The following MTMR7 variants were observed in gnomAD, a reference collection of about 807,000 sequenced individuals.
The protein encoded by MTMR7 is phosphatidylinositol-3-phosphate phosphatase MTMR7.
In MTMR7, 76 loss-of-function variants were observed where a neutral mutation model predicts 81.2. That is an observed-to-expected ratio of 0.94 (90% CI 0.78 to 1.13). The LOEUF (loss-of-function observed/expected upper bound fraction) is 1.13, where lower values mean the gene tolerates loss of function less well. Ranked by LOEUF, MTMR7 falls within the 50% of genes most tolerant of loss-of-function variation. The pLI, the probability that MTMR7 is intolerant of heterozygous loss-of-function variation, is 0.00. For synonymous variants in MTMR7, 372 were observed against 289.8 expected, an observed-to-expected ratio of 1.28 and a Z score of -2.88; for missense variants, 1,044 against 820.0, an observed-to-expected ratio of 1.27 and a Z score of -3.34.
At chr8:17,374,398 G>A (rs1276224527) in intron 1 of MTMR7, among the ~76,000 whole-genome samples, 1 of 151,670 alleles carries the variant, frequency 6.6e-6, no homozygotes, top group Non-Finnish European at 1.5e-5. Context: ...CGAGGCAGGT[G>A]GATCACGAGG....
chr8:17,399,377 T>C (rs2150582616), intron 1 of MTMR7, among the ~76,000 whole-genome samples: 1 of 152,226 alleles, frequency 6.6e-6, no homozygotes, highest in South Asian at 2.1e-4. Context: ...GCAATCCTAT[T>C]TATAATAGCT....
intron 7 of MTMR7, among the ~76,000 whole-genome samples, chr8:17,330,314 C>G (rs1169310726): frequency 6.6e-6 from 1 of 152,224 alleles, no homozygotes; most frequent in East Asian, 1.9e-4. Flanking sequence ...GGGCTCCCAG[C>G]TCCAGCTCTC....
intron 4 of MTMR7, among the ~76,000 whole-genome samples, chr8:17,349,643 T>G (rs192707362): frequency 1.3e-5 from 2 of 152,136 alleles, no homozygotes; most frequent in Non-Finnish European, 1.5e-5. Context: ...AAGTTCCACC[T>G]CCTTCGGGAA....
chr8:17,321,873 G>C (rs1328281197), intron 7 of MTMR7, among the ~76,000 whole-genome samples: 2 of 152,140 alleles, frequency 1.3e-5, no homozygotes, highest in African/African-American at 4.8e-5. Flanking sequence ...AAATAAAAAA[G>C]CAAAGACAAA....
At position 17,315,526 on chromosome 8, in the gene MTMR7, G is replaced by A. The variant is rs1021962740; in HGVS notation, c.866-2125C>T. On this transcript the variant is annotated intron_variant, in intron 7 of 13. Coordinates refer to ENST00000180173, the MANE Select transcript of MTMR7 (RefSeq NM_004686.5). ...GATCACAACAATGTACCACTCCGTC[G>A]GGGATGTGAATAATGCAGGTGGCTG... 5.9e-5 allele frequency among the ~76,000 whole-genome samples: 9 copies of A among 152,140 alleles called. 1 individual carries two copies. Among genetic ancestry groups the A allele is most frequent in the African/African-American group, 1.4e-4 (6 of 41,404 alleles).
At chr8:17,328,168 G>A (rs1283587246) in intron 7 of MTMR7, among the ~76,000 whole-genome samples, 1 of 152,172 alleles carries the variant, frequency 6.6e-6, no homozygotes, top group Non-Finnish European at 1.5e-5. Flanking sequence ...GATTGGCAGA[G>A]GAGGAAGATG....
chr8:17,412,981 C>T (rs1411909346), intron 1 of MTMR7, among the ~76,000 whole-genome samples: 1 of 152,244 alleles, frequency 6.6e-6, no homozygotes, highest in Admixed American at 6.5e-5. Flanking sequence ...CACCCAGTTA[C>T]TAGCAGACAA....
At chr8:17,407,608 A>C (rs1821625577) in intron 1 of MTMR7, among the ~76,000 whole-genome samples, 1 of 151,442 alleles carries the variant, frequency 6.6e-6, no homozygotes, top group East Asian at 1.9e-4. Context: ...TAAAAAAAAA[A>C]GCCCCACATA....
chr8:17,377,046 GATTTGT>G (rs537208907), intron 1 of MTMR7, among the ~76,000 whole-genome samples: 191 of 150,046 alleles, frequency 1.3e-3, no homozygotes, highest in Non-Finnish European at 2.4e-3. Flanking sequence ...TTGTTATTTT[GATTTGT>G]TTTTTTTCTT....
At chr8:17,406,632 C>G (rs1292156556) in intron 1 of MTMR7, among the ~76,000 whole-genome samples, 1 of 152,126 alleles carries the variant, frequency 6.6e-6, no homozygotes, top group Non-Finnish European at 1.5e-5. Context: ...ATTCTGTTCT[C>G]AGAGAAATGA....
At chr8:17,324,446 C>A (rs772633137) in intron 7 of MTMR7, among the ~76,000 whole-genome samples, 65 of 152,174 alleles carry the variant, frequency 4.3e-4, no homozygotes, top group Non-Finnish European at 4.3e-4. Context: ...CAGTAAATAA[C>A]TGAGCTGGAA....
chr8:17,328,275 A>G (rs562599770), intron 7 of MTMR7, among the ~76,000 whole-genome samples: 20 of 152,288 alleles, frequency 1.3e-4, no homozygotes, highest in Middle Eastern at 3.4e-3. Flanking sequence ...GAGAGATGCA[A>G]GTAACTCCAT....
chr8:17,372,878 C>A, intron 2 of MTMR7: 1 of 414,838 alleles, frequency 2.4e-6, no homozygotes, highest in Non-Finnish European at 4.4e-6. Flanking sequence ...GCACTTGTAT[C>A]TTCTGGCTAG....
At position 17,397,357 on chromosome 8, in the gene MTMR7, G is replaced by A. The variant is rs1036407583; in HGVS notation, c.24+15912C>T. Among the ~76,000 whole-genome samples the A allele has an allele frequency of 9.9e-5, 15 of 152,082 alleles. No individual in the cohort carries two copies. The South Asian group carries it at 2.9e-3, about 30-fold the overall frequency. Reference sequence around the variant, plus strand: ...GGGAGCTCAATGCCCTGAAGGGTGGGCTCCAAGCCTCGCAGAATTCACCAC... The same window carrying A: ...GGGAGCTCAATGCCCTGAAGGGTGGACTCCAAGCCTCGCAGAATTCACCAC... On this transcript the variant is annotated intron_variant, in intron 1 of 13. Coordinates refer to ENST00000180173, the MANE Select transcript of MTMR7 (RefSeq NM_004686.5).
intron 1 of MTMR7, among the ~76,000 whole-genome samples, chr8:17,381,104 C>G (rs1240681753): frequency 6.6e-6 from 1 of 152,176 alleles, no homozygotes; most frequent in Non-Finnish European, 1.5e-5. Flanking sequence ...AAGGTAGCAT[C>G]TTTGTCTATC....
chr8:17,336,267 G>A (rs1331266730), intron 6 of MTMR7, among the ~76,000 whole-genome samples: 1 of 152,084 alleles, frequency 6.6e-6, no homozygotes, highest in Non-Finnish European at 1.5e-5. Context: ...CCCGGCGGCT[G>A]AGCCCTTTTA....
At chr8:17,314,198 A>G (rs912387774) in intron 7 of MTMR7, among the ~76,000 whole-genome samples, 4 of 152,244 alleles carry the variant, frequency 2.6e-5, no homozygotes, top group Non-Finnish European at 5.9e-5. Context: ...ACGGCAATCC[A>G]AAGTGGAGGT....
At position 17,361,108 on chromosome 8, in the gene MTMR7, C is replaced by T. The variant is rs543416844; in HGVS notation, c.468+9G>A. 15 of 1,613,916 alleles carry T rather than the reference C, an allele frequency of 9.3e-6. No homozygotes were observed. Among genetic ancestry groups the T allele is most frequent in the African/African-American group, 2.7e-5 (2 of 75,028 alleles). On this transcript the variant is annotated intron_variant, in intron 4 of 13. Transcript: ENST00000180173. ...ATGCGGCTTCAGTGTTTGGGTTTCA[C>T]GCACTCACTCTGTAGTCTCTATTCA...
chr8:17,371,239 A>G (rs1228796907), intron 2 of MTMR7, 40 bp from the exon 3 acceptor site: 4 of 1,596,582 alleles, frequency 2.5e-6, no homozygotes, highest in Non-Finnish European at 3.4e-6. Flanking sequence ...AAGCACAAAT[A>G]ACTAATGAAT....
Sources: allele counts gnomAD v4.1 joint callset (sites outside exome capture counted in the v4.1 genomes callset), GRCh38; gene constraint gnomAD v4.1.1; transcripts MANE v1.5; gene names NCBI Gene and HGNC (gene_info 2026-07-23, HGNC 2026-07-21).